TANC1: variants seen among roughly 807,000 people sequenced by gnomAD.
TANC1 encodes tetratricopeptide repeat, ankyrin repeat and coiled-coil containing 1, also known as protein TANC1.
Under a neutral mutation model 149.7 loss-of-function variants are expected in TANC1, and 77 were observed. The ratio of observed to expected loss-of-function variants is 0.51; its 90% CI spans 0.43 to 0.62. TANC1 has a LOEUF of 0.62. Among genes scored for constraint, TANC1 ranks in the 20% least tolerant of loss-of-function variants. The probability of loss-of-function intolerance (pLI) is 0.00; values close to 1 mark genes in which losing one functional copy is unlikely to be tolerated. For synonymous variants in TANC1, 854 were observed against 925.0 expected (o/e 0.92, Z 1.39); for missense variants, 1,985 against 2,321.8 (o/e 0.85, Z 2.98).
At chr2:159,140,040 T>C (rs1440640288) in intron 5 of TANC1, among the ~76,000 whole-genome samples, 1 of 152,028 alleles carries the variant, frequency 6.6e-6, no homozygotes, top group Non-Finnish European at 1.5e-5. Flanking sequence ...CTGGACAATG[T>C]AGCAAGGCCT....
At chr2:159,083,879 T>G (rs895297270) in intron 3 of TANC1, among the ~76,000 whole-genome samples, 3 of 151,756 alleles carry the variant, frequency 2.0e-5, no homozygotes, top group Non-Finnish European at 4.4e-5. Flanking sequence ...GCAGTGAATT[T>G]TTTTTTTTTT....
chr2:159,073,360 G>A (rs184611670), intron 3 of TANC1, among the ~76,000 whole-genome samples: 2 of 152,228 alleles, frequency 1.3e-5, no homozygotes, highest in East Asian at 1.9e-4. Context: ...TGTTTTCCTG[G>A]TGGGGGGCAT....
At chr2:159,024,071 G>A (rs541542705) in intron 2 of TANC1, among the ~76,000 whole-genome samples, 36 of 152,016 alleles carry the variant, frequency 2.4e-4, no homozygotes, top group African/African-American at 6.3e-4. Flanking sequence ...TTTGTCAGTC[G>A]TGTTTCAGTA....
chr2:158,983,468 C>CAAAAAAAAAAAAAAAAAAAAAAAAAAAA (rs35472970), intron 1 of TANC1, among the ~76,000 whole-genome samples: 2 of 88,832 alleles, frequency 2.3e-5, no homozygotes, highest in Admixed American at 1.4e-4. Context: ...CTCCGTCTCC[C>CAAAAAAAAAAAAAAAAAAAAAAAAAAAA]AAAAAAAAAA....
chr2:159,163,411 C>G lies in TANC1; in HGVS notation c.811C>G (p.Pro271Ala). Residue 271 changes from proline (P) to alanine (A), a missense_variant, in exon 8 of 27, where the codon CCA (proline) becomes GCA (alanine). Coordinates refer to ENST00000263635, the MANE Select transcript of TANC1 (RefSeq NM_033394.3). Reference protein sequence around the residue: ...LHDRRADNCSPVAEEETTGSA... With the variant: ...LHDRRADNCSAVAEEETTGSA... Reference sequence around the variant, plus strand: ...TGACCGCAGGGCAGATAACTGCTCCCCAGTGGCAGAAGAGGAGACCACCGG... The same window carrying G: ...TGACCGCAGGGCAGATAACTGCTCCGCAGTGGCAGAAGAGGAGACCACCGG... The G allele has an allele frequency of 6.2e-7, 1 of 1,614,140 alleles. No individual in the cohort carries two copies. The highest frequency in any genetic ancestry group is 8.5e-7 in the Non-Finnish European group (1 of 1,180,034).
intron 4 of TANC1, among the ~76,000 whole-genome samples, chr2:159,102,869 C>G (rs1226286804): frequency 1.0e-5 from 1 of 95,454 alleles, no homozygotes; most frequent in African/African-American, 3.1e-5. Context: ...CAGGCACCCA[C>G]CACCACGCCT....
chr2:159,077,686 G>A (rs939238426), intron 3 of TANC1, among the ~76,000 whole-genome samples: 26 of 152,198 alleles, frequency 1.7e-4, no homozygotes, highest in African/African-American at 4.8e-4. Context: ...GCTCAGTGTT[G>A]CATTGGGTAG....
intron 16 of TANC1, among the ~76,000 whole-genome samples, chr2:159,188,960 G>A (rs184409957): frequency 9.5e-4 from 144 of 152,316 alleles, no homozygotes; most frequent in African/African-American, 3.3e-3. Context: ...GCACAGTGCC[G>A]TCTCAGCCAA....
intron 4 of TANC1, among the ~76,000 whole-genome samples, chr2:159,134,260 T>C (rs1183553874): frequency 6.6e-6 from 1 of 152,146 alleles, no homozygotes; most frequent in Non-Finnish European, 1.5e-5. Flanking sequence ...CAAGGAACAC[T>C]AGAATCAAGG....
intron 19 of TANC1, among the ~76,000 whole-genome samples, chr2:159,216,127 G>A (rs1575314742): frequency 6.6e-6 from 1 of 152,098 alleles, no homozygotes; most frequent in East Asian, 1.9e-4. Flanking sequence ...AAGCTTTCCT[G>A]TTGTTCCGCA....
chr2:159,150,657 C>T, intron 7 of TANC1, 101 bp downstream of exon 7: 1 of 869,118 alleles, frequency 1.2e-6, no homozygotes, highest in Non-Finnish European at 1.8e-6. Context: ...CTGTGAAGGT[C>T]AGTCTGCCAG....
chr2:158,996,456 A>G (rs2036145657), intron 1 of TANC1, among the ~76,000 whole-genome samples: 1 of 152,244 alleles, frequency 6.6e-6, no homozygotes, highest in Admixed American at 6.5e-5. Context: ...ATAACTTGAT[A>G]TTTTTGTACA....
intron 8 of TANC1, among the ~76,000 whole-genome samples, chr2:159,165,586 A>C (rs949188901): frequency 3.9e-5 from 6 of 152,222 alleles, no homozygotes; most frequent in African/African-American, 1.4e-4. Context: ...GTACCATTGA[A>C]GAGTAAGATT....
At chr2:159,139,869 C>T (rs192941671) in intron 5 of TANC1, among the ~76,000 whole-genome samples, 233 of 152,130 alleles carry the variant, frequency 1.5e-3, no homozygotes, top group Non-Finnish European at 1.7e-3. Flanking sequence ...TATTTTGATA[C>T]CTTATGTTTT....
At chr2:159,087,816 T>C (rs765148845) in intron 3 of TANC1, among the ~76,000 whole-genome samples, 9 of 150,456 alleles carry the variant, frequency 6.0e-5, no homozygotes, top group Non-Finnish European at 8.8e-5. Flanking sequence ...ATTTGCTCGT[T>C]GCAGATGTCA....
At chr2:159,217,095 A>T (rs2059396451) in intron 19 of TANC1, among the ~76,000 whole-genome samples, 2 of 152,134 alleles carry the variant, frequency 1.3e-5, no homozygotes, top group Non-Finnish European at 2.9e-5. Flanking sequence ...AGGCTGGTGG[A>T]TCCCCTTCCA....
At chr2:159,092,375 T>C (rs144563219) in intron 3 of TANC1, among the ~76,000 whole-genome samples, 1 of 152,370 alleles carries the variant, frequency 6.6e-6, no homozygotes, top group East Asian at 1.9e-4. Flanking sequence ...ATCTGTGATG[T>C]TGGATGTTGC....
intron 1 of TANC1, among the ~76,000 whole-genome samples, chr2:158,992,390 A>G (rs932273113): frequency 2.0e-5 from 3 of 152,018 alleles, no homozygotes; most frequent in Non-Finnish European, 4.4e-5. Flanking sequence ...AAAGTGTTTA[A>G]GTGCAGCAGC....
In TANC1 at chr2:159,194,417, G is replaced by T; in HGVS notation, c.2903G>T (p.Gly968Val). 6.2e-7 allele frequency: 1 copy of T among 1,614,264 alleles called. No homozygotes were observed. The highest frequency in any genetic ancestry group is 2.2e-5 in the East Asian group (1 of 44,890). ...GACLDGTSENGMTALCYAAAA... is the reference protein window; with the variant it reads ...GACLDGTSENVMTALCYAAAA... Reference sequence around the variant, plus strand: ...TGCCTGGACGGAACGTCAGAGAACGGCATGACTGCCCTCTGTTACGCAGCA... The same window carrying T: ...TGCCTGGACGGAACGTCAGAGAACGTCATGACTGCCCTCTGTTACGCAGCA... The change falls in exon 17 of 27, where the codon GGC (glycine) becomes GTC (valine). Residue 968 changes from glycine to valine, a missense_variant. Around this residue, in one of 3 missense-constraint regions of TANC1, gnomAD observed 508 missense variants for 714.2 expected, o/e 0.71. Transcript: ENST00000263635.
Sources: allele counts gnomAD v4.1 joint callset (sites outside exome capture counted in the v4.1 genomes callset), GRCh38; gene constraint gnomAD v4.1.1; regional missense constraint gnomAD v4.1.1; transcripts MANE v1.5; gene names NCBI Gene and HGNC (gene_info 2026-07-23, HGNC 2026-07-21).